The following ZNF71 variants were observed in gnomAD, a reference collection of about 807,000 sequenced individuals.
ZNF71 encodes the protein zinc finger protein 71.
In ZNF71, 3 loss-of-function variants were observed where a neutral mutation model predicts 6.7. The observed-to-expected ratio is 0.45, with a 90% CI of 0.20 to 1.16. The LOEUF is 1.16. Among genes scored for constraint, ZNF71 ranks in the 50% most tolerant of loss-of-function variants. The pLI is 0.25. For missense variants in ZNF71, 688 were observed against 728.6 expected (o/e 0.94, Z 0.64); for synonymous variants, 343 against 311.1 (o/e 1.10, Z -1.08).
In ZNF71 at chr19:56,624,072, C is replaced by T. The variant is rs562817281; in HGVS notation, c.*1315C>T. ...GCACTTTCTCTGGGGCCTTTTAGGC[C>T]ATACTTTTAATTTTGTTATTTGATA... On this transcript the variant is annotated 3_prime_UTR_variant, in exon 4 of 4. Transcript: ENST00000599599. The T allele has an allele frequency of 2.4e-5, 4 of 166,972 alleles. No homozygotes were observed. Among genetic ancestry groups the T allele is most frequent in the Admixed American group, 2.0e-4 (3 of 15,296 alleles). The allele number at this position is 166,972 out of a possible 1,614,324, so 10.3% of individuals were successfully genotyped here.
In ZNF71 at chr19:56,622,271, C is replaced by A. The variant is rs2044862676; in HGVS notation, c.1164C>A (p.Cys388Ter). 1 of 1,608,908 alleles carries A rather than the reference C, an allele frequency of 6.2e-7. No homozygotes were observed. Reference protein sequence around the residue: ...RNHTGEKPYVCGECGKAFSQS... With the variant: ...RNHTGEKPYV ...ACACCGGCGAGAAGCCCTACGTGTG[C>A]GGCGAGTGCGGCAAGGCCTTCAGCC... is the stretch of plus-strand genomic sequence containing the variant. Residue 388 changes from cysteine to a stop codon, truncating the protein, a stop_gained, in exon 4 of 4, where the codon TGC (cysteine) becomes TGA (stop). Transcript: ENST00000599599. LOFTEE classifies it low-confidence loss of function (END_TRUNC).
chr19:56,597,413 A>C (rs767038074), intron 1 of ZNF71, among the ~76,000 whole-genome samples: 1 of 152,178 alleles, frequency 6.6e-6, no homozygotes, highest in African/African-American at 2.4e-5. Context: ...ATAATTAATA[A>C]CTTCTACCCC....
rs539654248 is a variant in ZNF71 at position 56,598,638 on chromosome 19, C to T, written c.-52-2869C>T. 9.2e-5 allele frequency among the ~76,000 whole-genome samples: 14 copies of T among 152,272 alleles called. No individual in the cohort carries two copies. The highest frequency in any genetic ancestry group is 2.1e-4 in the South Asian group (1 of 4,826). On this transcript the variant is annotated intron_variant, in intron 1 of 3. Transcript: ENST00000599599. The surrounding 1 kb of genome is among the most constrained non-coding windows in gnomAD (Gnocchi z 4.2). ...TTGTTGTGGGGCCTGTCGCGTGCATCGTACAGTGTGTAGCAGCATCCCCAG... is the reference window on the plus strand; with the variant it reads ...TTGTTGTGGGGCCTGTCGCGTGCATTGTACAGTGTGTAGCAGCATCCCCAG...
At chr19:56,617,473 AAGAC>A (rs2044805162) in intron 3 of ZNF71, among the ~76,000 whole-genome samples, 1 of 148,368 alleles carries the variant, frequency 6.7e-6, no homozygotes, top group Non-Finnish European at 1.5e-5. Context: ...CAAGCATAGA[AAGAC>A]AGAAAACTGA....
intron 3 of ZNF71, among the ~76,000 whole-genome samples, chr19:56,617,122 G>GT (rs367787804): frequency 0.013 from 1,900 of 142,846 alleles, 26 homozygotes; most frequent in Non-Finnish European, 0.02. Context: ...GTTTTTTTTT[G>GT]TTTTTTTTGA....
chr19:56,612,559 G>A (rs181670026), intron 2 of ZNF71, among the ~76,000 whole-genome samples: 3 of 152,308 alleles, frequency 2.0e-5, no homozygotes, highest in African/African-American at 7.2e-5. Flanking sequence ...TCACTTATGA[G>A]TGGGAGCTAA....
intron 3 of ZNF71, among the ~76,000 whole-genome samples, chr19:56,616,398 C>T (rs548576283): frequency 6.6e-6 from 1 of 152,290 alleles, no homozygotes; most frequent in South Asian, 2.1e-4. Flanking sequence ...TGTGCCTTTG[C>T]ACCAATACCA....
In ZNF71 at chr19:56,613,761, G is replaced by A. The variant is rs754090300; in HGVS notation, c.34-51G>A. 30 of 1,069,486 alleles carry A rather than the reference G, an allele frequency of 2.8e-5. No individual in the cohort carries two copies. Among genetic ancestry groups the A allele is most frequent in the Non-Finnish European group, 3.3e-5 (29 of 865,744 alleles). The allele number at this position is 1,069,486 out of a possible 1,614,324, so 66.2% of individuals were successfully genotyped here. A position where few individuals can be genotyped will look rare whatever the true frequency, so the allele number is the denominator to read the frequency against. On this transcript the variant is annotated intron_variant, in intron 2 of 3. Coordinates refer to ENST00000599599, the MANE Select transcript of ZNF71 (RefSeq NM_001370215.1). The surrounding 1 kb of genome is among the most constrained non-coding windows in gnomAD (Gnocchi z 4.6). ...TTGGCTTTTCTGGCCATTCCTCCAC[G>A]CCTCTGTAAGGAGGGCCCTGCGATG...
chr19:56,610,785 T>A (rs142031997), intron 2 of ZNF71, among the ~76,000 whole-genome samples: 232 of 152,342 alleles, frequency 1.5e-3, no homozygotes, highest in African/African-American at 5.2e-3. Context: ...TAGAGAGGAA[T>A]GTTGTTGCAG....
chr19:56,622,636 AC>A lies in ZNF71; in HGVS notation c.1530del (p.Ser511ProfsTer31). 6.4e-7 allele frequency: 1 copy of A among 1,566,712 alleles called. No individual in the cohort carries two copies. The highest frequency in any genetic ancestry group is 1.2e-5 in the South Asian group (1 of 86,448). On this transcript the variant is annotated frameshift_variant, in exon 4 of 4. Coordinates refer to ENST00000599599, the MANE Select transcript of ZNF71 (RefSeq NM_001370215.1). LOFTEE classifies it low-confidence loss of function (END_TRUNC). ...CGQCGKSFIK[N>X]SSLTVHQRIH... is the part of the protein sequence containing the mutation. ...CAGTGCGGGAAGTCCTTCATCAAGA[AC>A]TCCTCCCTCACTGTGCACCAGCGGA... is the stretch of plus-strand genomic sequence containing the variant.
In ZNF71 at chr19:56,623,090, A is replaced by C; in HGVS notation, c.*333A>C. On this transcript the variant is annotated 3_prime_UTR_variant, in exon 4 of 4. Coordinates refer to ENST00000599599, the MANE Select transcript of ZNF71 (RefSeq NM_001370215.1). ...TGGGACAGGTCACGCCTGCCTCCAC[A>C]TCTCTGTTTCTTCAGCGGGAAAGTG... is the stretch of plus-strand genomic sequence containing the variant. The C allele has an allele frequency of 3.3e-6, 1 of 301,402 alleles. No homozygotes were observed. The highest frequency in any genetic ancestry group is 9.4e-5 in the South Asian group (1 of 10,602). The allele number at this position is 301,402 out of a possible 1,614,324, so 18.7% of individuals were successfully genotyped here.
At position 56,621,366 on chromosome 19, in the gene ZNF71, A is replaced by G. The variant is rs10405299; in HGVS notation, c.259A>G (p.Arg87Gly). ...TGGGGAGGCCACGGGGGGACCCACGAGGAATGGTGCCAGGGGTCCTGGCTC... is the reference window on the plus strand; with the variant it reads ...TGGGGAGGCCACGGGGGGACCCACGGGGAATGGTGCCAGGGGTCCTGGCTC... Reference protein sequence around the residue: ...VVGEATGGPTRNGARGPGSEG... With the variant: ...VVGEATGGPTGNGARGPGSEG... Residue 87 changes from arginine (R) to glycine (G), a missense_variant, in exon 4 of 4, where the codon AGG becomes GGG. By Grantham distance (125) the Arg-to-Gly change is moderately radical. Transcript: ENST00000599599. 7.0e-3 allele frequency: 11,083 copies of G among 1,587,740 alleles called. 658 individuals carry two copies. The African/African-American group carries it at 0.13, about 18-fold the overall frequency.
At chr19:56,608,446 AT>A (rs35502249) in intron 2 of ZNF71, among the ~76,000 whole-genome samples, 12,458 of 148,430 alleles carry the variant, frequency 0.084, 1,609 homozygotes, top group African/African-American at 0.28. Flanking sequence ...ATGTGTCAGA[AT>A]TTTTTTTTTT....
rs1013087152 is a variant in ZNF71, at chr19:56,618,602, T to G, written c.161-2666T>G. ...GGCAGGAGGACCTTCCTTCCTTACGTAGGGTGGATTGGGAAGGCTCCCGTG... is the reference window on the plus strand; with the variant it reads ...GGCAGGAGGACCTTCCTTCCTTACGGAGGGTGGATTGGGAAGGCTCCCGTG... On this transcript the variant is annotated intron_variant, in intron 3 of 3. Coordinates refer to ENST00000599599, the MANE Select transcript of ZNF71 (RefSeq NM_001370215.1). This position sits in a 1 kb window ranked among gnomAD's most constrained non-coding sequence, Gnocchi z 4.6. Among the ~76,000 whole-genome samples the G allele has an allele frequency of 6.6e-6, 1 of 151,910 alleles. No individual in the cohort carries two copies. Among genetic ancestry groups the G allele is most frequent in the African/African-American group, 2.4e-5 (1 of 41,346 alleles).
At chr19:56,619,881 C>T (rs1457999951) in intron 3 of ZNF71, among the ~76,000 whole-genome samples, 1 of 152,136 alleles carries the variant, frequency 6.6e-6, no homozygotes, top group East Asian at 1.9e-4. Flanking sequence ...AATGAGTCCC[C>T]TGATGCAGAG....
intron 2 of ZNF71, among the ~76,000 whole-genome samples, chr19:56,611,605 A>G (rs1293326460): frequency 1.3e-5 from 2 of 152,144 alleles, no homozygotes; most frequent in Non-Finnish European, 2.9e-5. Context: ...AAAGACAATC[A>G]CTTAATCACT....
At chr19:56,612,728 A>G (rs1272216759) in intron 2 of ZNF71, among the ~76,000 whole-genome samples, 1 of 152,200 alleles carries the variant, frequency 6.6e-6, no homozygotes. Context: ...TTACCACTGT[A>G]CATTTCATCC....
intron 3 of ZNF71, among the ~76,000 whole-genome samples, chr19:56,614,218 G>C (rs539076736): frequency 6.6e-6 from 1 of 152,282 alleles, no homozygotes; most frequent in South Asian, 2.1e-4. Context: ...GTGATTCATA[G>C]ATTTAGAAAT....
Position 56,603,492 on chromosome 19 carries a change from C to T in ZNF71, c.33+1901C>T, listed in dbSNP as rs140888320. Among the ~76,000 whole-genome samples the T allele has an allele frequency of 4.7e-3, 723 of 152,238 alleles. 4 individuals are homozygous for T. Among genetic ancestry groups the T allele is most frequent in the Non-Finnish European group, 7.6e-3 (517 of 68,018 alleles). On this transcript the variant is annotated intron_variant, in intron 2 of 3. Coordinates refer to ENST00000599599, the MANE Select transcript of ZNF71 (RefSeq NM_001370215.1). The surrounding 1 kb of genome is among the most constrained non-coding windows in gnomAD (Gnocchi z 4.6). ...CAGTTGATGGACATTTGGGTTGTTT[C>T]CACTTTTTGGCTATTATGAATAATG...
Sources: allele counts gnomAD v4.1 joint callset (sites outside exome capture counted in the v4.1 genomes callset), GRCh38; gene constraint gnomAD v4.1.1; non-coding constraint Gnocchi (gnomAD v3.1); transcripts MANE v1.5; gene names NCBI Gene and HGNC (gene_info 2026-07-23, HGNC 2026-07-21).